FANCB: variants seen among roughly 807,000 people sequenced by gnomAD.
FANCB encodes Fanconi anemia group B protein.
FANCB carries 5 observed loss-of-function variants against 38.9 expected under a neutral mutation model. The ratio of observed to expected loss-of-function variants is 0.13; its 90% CI spans 0.07 to 0.27. The LOEUF (loss-of-function observed/expected upper bound fraction) is 0.27, where lower values mean the gene tolerates loss of function less well. FANCB is among the 10% of genes least tolerant of loss of function. FANCB has a pLI of 1.00. For missense variants in FANCB, 573 were observed against 602.7 expected (o/e 0.95, Z 0.52); for synonymous variants, 236 against 215.4 (o/e 1.10, Z -0.84).
downstream of FANCB, among the ~76,000 whole-genome samples, chrX:14,831,004 G>T (rs889875973): frequency 2.7e-5 from 3 of 111,811 alleles, no homozygotes; most frequent in Non-Finnish European, 5.6e-5. Context: ...AAACAAAAAG[G>T]TTGTGAACTT....
chrX:14,809,971 C>T, the FANCB span, among the ~76,000 whole-genome samples: 348 of 111,973 alleles, frequency 3.1e-3, 1 homozygote, highest in African/African-American at 0.01. Context: ...GCCGGGTACC[C>T]CTCTGAGACA....
intron 1 of FANCB, among the ~76,000 whole-genome samples, chrX:14,871,605 GATCT>G (rs1210641470): frequency 5.5e-5 from 5 of 90,453 alleles, no homozygotes; most frequent in Non-Finnish European, 1.1e-4. Context: ...GAATGAATTA[GATCT>G]ATCTATCTAT....
the FANCB span, among the ~76,000 whole-genome samples, chrX:14,788,456 G>A: frequency 1.7e-3 from 187 of 111,431 alleles, 1 homozygote; most frequent in African/African-American, 5.8e-3. Context: ...AACTATCAGG[G>A]TGAAGAACCA....
chrX:14,718,341 A>G, the FANCB span, among the ~76,000 whole-genome samples: 1 of 112,130 alleles, frequency 8.9e-6, no homozygotes, highest in Non-Finnish European at 1.9e-5. Flanking sequence ...ATTCAATCCC[A>G]TATATTTGTA....
At chrX:14,759,046 A>G in the FANCB span, among the ~76,000 whole-genome samples, 2 of 112,073 alleles carry the variant, frequency 1.8e-5, no homozygotes, top group Non-Finnish European at 3.8e-5. Context: ...TCTGGAAACA[A>G]AGAACACACT....
At chrX:14,787,040 C>T in the FANCB span, among the ~76,000 whole-genome samples, 1 of 110,521 alleles carries the variant, frequency 9.0e-6, no homozygotes, top group Non-Finnish European at 1.9e-5. Flanking sequence ...TCAGTCACTA[C>T]ATGGTGAATT....
the FANCB span, among the ~76,000 whole-genome samples, chrX:14,825,344 T>A: frequency 8.9e-6 from 1 of 112,011 alleles, no homozygotes; most frequent in Admixed American, 9.5e-5. Context: ...ATTGTGTGTA[T>A]GTCTCACATG....
the FANCB span, among the ~76,000 whole-genome samples, chrX:14,759,753 C>A: frequency 9.1e-6 from 1 of 109,670 alleles, no homozygotes; most frequent in African/African-American, 3.3e-5. Flanking sequence ...CAAAATAGAA[C>A]CTCCTTAAAG....
At chrX:14,720,523 A>G in the FANCB span, among the ~76,000 whole-genome samples, 1 of 111,337 alleles carries the variant, frequency 9.0e-6, no homozygotes, top group Non-Finnish European at 1.9e-5. Flanking sequence ...CTTCCATTCA[A>G]AAATAGGGGG....
chrX:14,742,598 C>A, the FANCB span, among the ~76,000 whole-genome samples: 1 of 111,828 alleles, frequency 8.9e-6, no homozygotes, highest in East Asian at 2.8e-4. Flanking sequence ...TCCTACCCAC[C>A]GTTAATTAAT....
the FANCB span, among the ~76,000 whole-genome samples, chrX:14,801,628 CCGTGTGTG>C: frequency 9.0e-6 from 1 of 111,573 alleles, no homozygotes; most frequent in Non-Finnish European, 1.9e-5. Context: ...ATTGATTTTA[CCGTGTGTG>C]CATGTGTGTG....
chrX:14,823,599 C>A, the FANCB span, among the ~76,000 whole-genome samples: 656 of 111,830 alleles, frequency 5.9e-3, 3 homozygotes, highest in African/African-American at 0.02. Context: ...TTCCTTATTT[C>A]CTCTTTACTT....
the FANCB span, among the ~76,000 whole-genome samples, chrX:14,697,631 A>C: frequency 4.0e-4 from 44 of 111,379 alleles, no homozygotes; most frequent in African/African-American, 1.3e-3. Context: ...GTTGCTCTCT[A>C]TCAGTGATGG....
At chrX:14,839,317 AC>A (rs369440775), downstream of FANCB, among the ~76,000 whole-genome samples, 3 of 108,000 alleles carry the variant, frequency 2.8e-5, no homozygotes, top group East Asian at 2.8e-4. Context: ...AACAACAACA[AC>A]AAAAAAAACG....
At chrX:14,821,088 TTACTAGA>T in the FANCB span, among the ~76,000 whole-genome samples, 1 of 111,760 alleles carries the variant, frequency 8.9e-6, no homozygotes, top group African/African-American at 3.2e-5. Context: ...CTTCATTGCA[TTACTAGA>T]CATGTTATGA....
At chrX:14,853,868 TTAAAGAG>T (rs1281855078) in intron 5 of FANCB, among the ~76,000 whole-genome samples, 1 of 112,083 alleles carries the variant, frequency 8.9e-6, no homozygotes, top group African/African-American at 3.2e-5. Context: ...TACTGAAAAT[TTAAAGAG>T]TCATGTCATT....
the FANCB span, among the ~76,000 whole-genome samples, chrX:14,787,544 G>A: frequency 9.1e-6 from 1 of 110,283 alleles, no homozygotes; most frequent in African/African-American, 3.3e-5. Context: ...GACTTTAAAT[G>A]TTTTCACCAC....
chrX:14,833,675 G>GGT (rs774602700), downstream of FANCB, among the ~76,000 whole-genome samples: 1 of 12,981 alleles, frequency 7.7e-5, no homozygotes, highest in Non-Finnish European at 1.4e-4. Context: ...GGCTGGGTGT[G>GGT]GGGGGGGTTC....
chrX:14,802,850 G>A, the FANCB span, among the ~76,000 whole-genome samples: 10 of 111,829 alleles, frequency 8.9e-5, no homozygotes, highest in Non-Finnish European at 1.9e-4. Context: ...GAATTAATGT[G>A]CCTATAGGAT....
Sources: gnomAD v4.1 joint callset for allele counts (sites outside exome capture counted in the v4.1 genomes callset) on GRCh38, gnomAD v4.1.1 for gene constraint, MANE v1.5 for transcripts, NCBI Gene and HGNC (gene_info 2026-07-23, HGNC 2026-07-21) for gene names.